The following WAC variants were observed in gnomAD, a reference collection of about 807,000 sequenced individuals.
WAC encodes the protein WW domain-containing adapter protein with coiled-coil.
A neutral mutation model predicts 79.6 loss-of-function variants in WAC; 11 were observed. That is an observed-to-expected ratio of 0.14 (90% CI 0.09 to 0.23). The LOEUF (loss-of-function observed/expected upper bound fraction) is 0.23, where lower values mean the gene tolerates loss of function less well. WAC is among the 10% of genes least tolerant of loss of function. The probability of loss-of-function intolerance (pLI) is 1.00; values close to 1 mark genes in which losing one functional copy is unlikely to be tolerated. For missense variants in WAC, 728 were observed against 773.5 expected, an observed-to-expected ratio of 0.94 and a Z score of 0.70; for synonymous variants, 304 against 276.9, an observed-to-expected ratio of 1.10 and a Z score of -0.97.
intron 3 of WAC, among the ~76,000 whole-genome samples, chr10:28,569,795 A>G (rs920365199): frequency 2.0e-5 from 3 of 152,150 alleles, no homozygotes; most frequent in African/African-American, 7.2e-5. Flanking sequence ...TTCTGTTTTT[A>G]TCTTTAGTAC....
At chr10:28,610,627 C>A in intron 8 of WAC, 72 bp from the exon 9 acceptor site, 1 of 1,447,904 alleles carries the variant, frequency 6.9e-7, no homozygotes, top group Non-Finnish European at 9.2e-7. Flanking sequence ...AGTTCTCTTC[C>A]TTGTCAGGTT....
rs748164108 is a variant in WAC, at chr10:28,611,760, T to C, written c.1289-14T>C. ...TTGTTTTTCTTTAAAATTAATTGCT[T>C]CCCTCTTTTACAGCCCAGCCATCTA... On this transcript the variant is annotated splice_polypyrimidine_tract_variant and intron_variant, in intron 9 of 13. Coordinates refer to ENST00000354911, the MANE Select transcript of WAC (RefSeq NM_016628.5). The C allele has an allele frequency of 6.2e-7, 1 of 1,602,316 alleles. No homozygotes were observed. The highest frequency in any genetic ancestry group is 8.5e-7 in the Non-Finnish European group (1 of 1,177,160).
chr10:28,617,095 A>C (rs1309071721), intron 12 of WAC, among the ~76,000 whole-genome samples: 3 of 152,142 alleles, frequency 2.0e-5, no homozygotes, highest in Admixed American at 6.5e-5. Context: ...AAAAACAAAA[A>C]AAAACCCCAC....
intron 3 of WAC, among the ~76,000 whole-genome samples, chr10:28,547,402 G>A (rs1181683438): frequency 1.3e-5 from 2 of 152,092 alleles, no homozygotes; most frequent in African/African-American, 2.4e-5. Flanking sequence ...GGGCGTGGTG[G>A]CATGTGCCTG....
intron 3 of WAC, among the ~76,000 whole-genome samples, chr10:28,561,644 A>G (rs1333730477): frequency 6.6e-6 from 1 of 151,344 alleles, no homozygotes; most frequent in Non-Finnish European, 1.5e-5. Flanking sequence ...GTTTTTTGAA[A>G]CCCCGGCGTC....
Position 28,619,664 on chromosome 10 carries a change from C to G in WAC, c.*58C>G. The G allele has an allele frequency of 2.1e-6, 3 of 1,437,340 alleles. No homozygotes were observed. The highest frequency in any genetic ancestry group is 2.8e-6 in the Non-Finnish European group (3 of 1,072,968). 89.0% of individuals were successfully genotyped at this position (1,437,340 alleles called of 1,614,324 possible). A position where few individuals can be genotyped will look rare whatever the true frequency, so the allele number is the denominator to read the frequency against. The stretch of plus-strand genomic sequence containing the variant: ...AGGAACTGTAAATCTGTTGCCCAAT[C>G]TTAACATTTTTGAGCTGCATTTAAG... On this transcript the variant is annotated 3_prime_UTR_variant, in exon 14 of 14. Coordinates refer to ENST00000354911, the MANE Select transcript of WAC (RefSeq NM_016628.5).
chr10:28,607,870 T>C (rs942801211), intron 7 of WAC, among the ~76,000 whole-genome samples: 1 of 152,242 alleles, frequency 6.6e-6, no homozygotes, highest in Non-Finnish European at 1.5e-5. Context: ...TAAATAATTA[T>C]CTTTGAGATA....
At position 28,620,330 on chromosome 10, in the gene WAC, C is replaced by G. The variant is rs1401479063; in HGVS notation, c.*724C>G. 6.6e-6 allele frequency: 1 copy of G among 150,748 alleles called. No individual in the cohort carries two copies. The highest frequency in any genetic ancestry group is 2.5e-5 in the African/African-American group (1 of 40,614). The allele number at this position is 150,748 out of a possible 1,614,324, so 9.3% of individuals were successfully genotyped here. A position where few individuals can be genotyped will look rare whatever the true frequency, so the allele number is the denominator to read the frequency against. ...TAAAATTGCAGTGATTGAGCATAAC[C>G]TACTTGTTTGTATAAATTATTGAAA... On this transcript the variant is annotated 3_prime_UTR_variant, in exon 14 of 14. Coordinates refer to ENST00000354911, the MANE Select transcript of WAC (RefSeq NM_016628.5).
intron 3 of WAC, among the ~76,000 whole-genome samples, chr10:28,552,901 A>G (rs915848903): frequency 2.4e-5 from 3 of 123,082 alleles, no homozygotes; most frequent in Non-Finnish European, 4.8e-5. Flanking sequence ...GTTGAATTTG[A>G]TAATCTCCAA....
chr10:28,597,132 T>G (rs1378531709), intron 7 of WAC, among the ~76,000 whole-genome samples: 1 of 152,132 alleles, frequency 6.6e-6, no homozygotes, highest in African/African-American at 2.4e-5. Context: ...ACCATATACT[T>G]TAGTATATAT....
intron 3 of WAC, among the ~76,000 whole-genome samples, chr10:28,575,354 C>G (rs144559522): frequency 6.6e-6 from 1 of 152,102 alleles, no homozygotes; most frequent in Non-Finnish European, 1.5e-5. Flanking sequence ...TGCTTTTGTT[C>G]TTTTTTATGG....
At chr10:28,612,235 A>G (rs149498935) in intron 10 of WAC, among the ~76,000 whole-genome samples, 7 of 152,380 alleles carry the variant, frequency 4.6e-5, no homozygotes, top group Non-Finnish European at 1.0e-4. Flanking sequence ...TCCAAAAGAC[A>G]TGAATGAACA....
intron 3 of WAC, among the ~76,000 whole-genome samples, chr10:28,574,633 G>A (rs898503952): frequency 6.6e-6 from 1 of 152,048 alleles, no homozygotes; most frequent in African/African-American, 2.4e-5. Flanking sequence ...TAGTAGAGGC[G>A]GGGTTTCACC....
intron 3 of WAC, among the ~76,000 whole-genome samples, chr10:28,570,985 C>T (rs1403717323): frequency 1.7e-5 from 2 of 115,220 alleles, no homozygotes; most frequent in African/African-American, 6.6e-5. Context: ...GAGTTGGAGT[C>T]TCACTCTGTC....
intron 3 of WAC, among the ~76,000 whole-genome samples, chr10:28,572,890 A>T (rs1016709145): frequency 3.3e-5 from 5 of 152,200 alleles, no homozygotes; most frequent in Non-Finnish European, 5.9e-5. Flanking sequence ...GGTCAAAAGA[A>T]GTTAGAAACA....
intron 3 of WAC, among the ~76,000 whole-genome samples, chr10:28,550,856 C>CCATT (rs1837628137): frequency 6.6e-6 from 1 of 152,140 alleles, no homozygotes; most frequent in Admixed American, 6.5e-5. Flanking sequence ...TAATTCCAAA[C>CCATT]CATTATCAAT....
At chr10:28,598,029 A>G (rs968208746) in intron 7 of WAC, among the ~76,000 whole-genome samples, 3 of 152,136 alleles carry the variant, frequency 2.0e-5, no homozygotes, top group Admixed American at 6.5e-5. Flanking sequence ...TGGCCTCCCA[A>G]CGTGCTGGGA....
At chr10:28,540,811 ACT>A (rs1368448425) in intron 3 of WAC, among the ~76,000 whole-genome samples, 7 of 151,904 alleles carry the variant, frequency 4.6e-5, no homozygotes, top group Admixed American at 4.6e-4. Context: ...CAGGAAACAT[ACT>A]CTGTTTCAAG....
intron 7 of WAC, among the ~76,000 whole-genome samples, chr10:28,597,364 C>A (rs1840430806): frequency 6.6e-6 from 1 of 152,170 alleles, no homozygotes; most frequent in African/African-American, 2.4e-5. Context: ...AATTTGCTCA[C>A]AGAAAATTTT....
Sources: allele counts gnomAD v4.1 joint callset (sites outside exome capture counted in the v4.1 genomes callset), GRCh38; gene constraint gnomAD v4.1.1; transcripts MANE v1.5; gene names NCBI Gene and HGNC (gene_info 2026-07-23, HGNC 2026-07-21).